Variants in XKR9 observed in about 807,000 individuals in gnomAD.
The protein encoded by XKR9 is XK related 9, also known as XK-related protein 9.
In XKR9, 32 loss-of-function variants were observed where a neutral mutation model predicts 32.0. The observed-to-expected ratio is 1.00, with a 90% CI of 0.76 to 1.34. The LOEUF is 1.34. Ranked by LOEUF, XKR9 falls within the 40% of genes most tolerant of loss-of-function variation. XKR9 has a pLI of 0.00. For synonymous variants in XKR9, 168 were observed against 143.4 expected (o/e 1.17, Z -1.22); for missense variants, 546 against 429.7 (o/e 1.27, Z -2.39).
intron 2 of XKR9, among the ~76,000 whole-genome samples, chr8:70,753,676 C>T (rs1231920492): frequency 1.3e-5 from 2 of 152,024 alleles, no homozygotes; most frequent in African/African-American, 2.4e-5. Context: ...ACATGATTAT[C>T]TCAATAGATG....
chr8:70,712,476 C>T (rs1471477421), intron 4 of XKR9, among the ~76,000 whole-genome samples: 4 of 151,980 alleles, frequency 2.6e-5, no homozygotes, highest in South Asian at 2.1e-4. Flanking sequence ...AACTCAGGGT[C>T]CTCACAACCT....
rs1189189852 is a variant in XKR9, at chr8:70,681,314, G to A, written c.256G>A (p.Gly86Arg). 1 of 1,612,020 alleles carries A rather than the reference G, an allele frequency of 6.2e-7. No homozygotes were observed. Among genetic ancestry groups the A allele is most frequent in the East Asian group, 2.2e-5 (1 of 44,768 alleles). ...HCFLLLHCLQ[G>R]GVFTRYWFAL... is the part of the protein sequence containing the mutation. ...TTTTCTTCTACTTCATTGCTTGCAAGGAGGAGTTTTTACAAGGTGAGCATA... is the reference window on the plus strand; with the variant it reads ...TTTTCTTCTACTTCATTGCTTGCAAAGAGGAGTTTTTACAAGGTGAGCATA... The change falls in exon 3 of 5, where the codon GGA becomes AGA. Residue 86 changes from glycine to arginine, a missense_variant. Coordinates refer to ENST00000408926, the MANE Select transcript of XKR9 (RefSeq NM_001011720.2).
the XKR9 span, among the ~76,000 whole-genome samples, chr8:70,812,473 A>G: frequency 6.6e-6 from 1 of 152,216 alleles, no homozygotes; most frequent in African/African-American, 2.4e-5. Context: ...AATAAAGGAT[A>G]TTCAATGAGG....
the XKR9 span, among the ~76,000 whole-genome samples, chr8:70,878,064 T>C: frequency 6.6e-6 from 1 of 152,076 alleles, no homozygotes; most frequent in East Asian, 1.9e-4. Flanking sequence ...AAAACTAAGC[T>C]TCATAAGTGC....
At chr8:70,980,113 G>GA in the XKR9 span, among the ~76,000 whole-genome samples, 3 of 152,208 alleles carry the variant, frequency 2.0e-5, no homozygotes, top group Non-Finnish European at 4.4e-5. Flanking sequence ...TAAGACCATT[G>GA]AAAAAGTGCA....
the XKR9 span, among the ~76,000 whole-genome samples, chr8:71,038,847 C>A: frequency 6.7e-6 from 1 of 149,054 alleles, no homozygotes; most frequent in Middle Eastern, 3.4e-3. Context: ...TACTGCCACC[C>A]AGGCTGGAGT....
chr8:71,023,210 T>C, the XKR9 span, among the ~76,000 whole-genome samples: 1 of 152,234 alleles, frequency 6.6e-6, no homozygotes, highest in Non-Finnish European at 1.5e-5. Flanking sequence ...CACTGATTTC[T>C]GCACATCTGG....
intron 3 of XKR9, among the ~76,000 whole-genome samples, chr8:70,696,771 G>A (rs1805294139): frequency 6.6e-6 from 1 of 151,238 alleles, no homozygotes. Context: ...AATTACCTTG[G>A]GCAGTATGGC....
chr8:71,047,423 A>T, the XKR9 span, among the ~76,000 whole-genome samples: 1 of 152,210 alleles, frequency 6.6e-6, no homozygotes, highest in African/African-American at 2.4e-5. Context: ...ATTTACAGCT[A>T]ACCTGGATCT....
chr8:71,055,790 CTAA>C, the XKR9 span, among the ~76,000 whole-genome samples: 1 of 152,068 alleles, frequency 6.6e-6, no homozygotes, highest in East Asian at 1.9e-4. Flanking sequence ...AAGTTAAATG[CTAA>C]TATTGGAGGA....
the XKR9 span, among the ~76,000 whole-genome samples, chr8:70,958,294 T>C: frequency 1.3e-5 from 2 of 152,208 alleles, no homozygotes; most frequent in Non-Finnish European, 2.9e-5. Context: ...TCCACAATGA[T>C]TGAACTAATT....
chr8:70,913,498 G>A, the XKR9 span, among the ~76,000 whole-genome samples: 10 of 151,946 alleles, frequency 6.6e-5, no homozygotes, highest in African/African-American at 1.9e-4. Context: ...AGAAAACATG[G>A]CATAGAATTT....
At chr8:70,967,065 C>CTTTTTTTTTTTTTTTTTTTTTT in the XKR9 span, among the ~76,000 whole-genome samples, 46 of 101,260 alleles carry the variant, frequency 4.5e-4, 7 homozygotes, top group Middle Eastern at 6.2e-3. Flanking sequence ...GATCTTGACT[C>CTTTTTTTTTTTTTTTTTTTTTT]TTTTTTTTTT....
At chr8:70,731,870 C>A (rs1324822162) in intron 4 of XKR9, among the ~76,000 whole-genome samples, 1 of 152,210 alleles carries the variant, frequency 6.6e-6, no homozygotes, top group Non-Finnish European at 1.5e-5. Context: ...TACAAACATA[C>A]ACTAAGACAA....
intron 2 of XKR9, among the ~76,000 whole-genome samples, chr8:70,787,433 C>G (rs1018576536): frequency 2.6e-5 from 4 of 152,138 alleles, no homozygotes; most frequent in Non-Finnish European, 5.9e-5. Flanking sequence ...TTGGAAATAT[C>G]ATCATGGATA....
the XKR9 span, among the ~76,000 whole-genome samples, chr8:70,988,629 G>C: frequency 2.8e-3 from 425 of 152,102 alleles, 5 homozygotes; most frequent in African/African-American, 9.7e-3. Context: ...TTTGTTATTA[G>C]TTCTTCATCC....
intron 2 of XKR9, among the ~76,000 whole-genome samples, chr8:70,782,940 C>T (rs1807636040): frequency 6.6e-6 from 1 of 152,124 alleles, no homozygotes; most frequent in South Asian, 2.1e-4. Flanking sequence ...GGTAAATACT[C>T]AGAAGTGGGA....
At chr8:70,917,537 T>A in the XKR9 span, among the ~76,000 whole-genome samples, 1 of 152,144 alleles carries the variant, frequency 6.6e-6, no homozygotes, top group Admixed American at 6.5e-5. Flanking sequence ...CTTTTGATAT[T>A]TTTGGCTTAA....
intron 2 of XKR9, among the ~76,000 whole-genome samples, chr8:70,745,651 T>C (rs993417089): frequency 2.6e-5 from 4 of 152,322 alleles, no homozygotes; most frequent in Admixed American, 2.0e-4. Context: ...GAATCCCCGT[T>C]GACTTTTGAA....
Sources: gnomAD v4.1 joint callset for allele counts (sites outside exome capture counted in the v4.1 genomes callset) on GRCh38, gnomAD v4.1.1 for gene constraint, MANE v1.5 for transcripts, NCBI Gene and HGNC (gene_info 2026-07-23, HGNC 2026-07-21) for gene names.